The following MYOCD variants were observed in gnomAD, a reference collection of about 807,000 sequenced individuals.
MYOCD encodes the protein myocardin.
MYOCD carries 32 observed loss-of-function variants against 96.1 expected under a neutral mutation model. The ratio of observed to expected loss-of-function variants is 0.33; its 90% CI spans 0.25 to 0.45. MYOCD has a LOEUF of 0.45. Ranked by LOEUF, MYOCD falls within the 20% of genes least tolerant of loss-of-function variation. MYOCD has a pLI of 1.00. For synonymous variants in MYOCD, 469 were observed against 469.0 expected (o/e 1.00, Z 0.00); for missense variants, 1,133 against 1,200.6 (o/e 0.94, Z 0.83).
intron 1 of MYOCD, among the ~76,000 whole-genome samples, chr17:12,690,589 A>T (rs1353187997): frequency 2.0e-5 from 3 of 152,218 alleles, no homozygotes; most frequent in Non-Finnish European, 4.4e-5. Context: ...AAAATAGTAT[A>T]AAAAATGGTC....
intron 5 of MYOCD, among the ~76,000 whole-genome samples, chr17:12,735,380 C>G (rs1318308863): frequency 6.6e-6 from 1 of 151,984 alleles, no homozygotes; most frequent in African/African-American, 2.4e-5. Context: ...GGTGTGATAA[C>G]CCCTCTCCCA....
intron 9 of MYOCD, 131 bp from the exon 10 acceptor site, chr17:12,752,283 G>T: frequency 2.6e-6 from 2 of 756,970 alleles, no homozygotes; most frequent in Admixed American, 3.0e-5. Flanking sequence ...GAGGAAATCG[G>T]AAAGAAGTAT....
chr17:12,713,627 T>G (rs1173483058), intron 2 of MYOCD, among the ~76,000 whole-genome samples: 2 of 152,158 alleles, frequency 1.3e-5, no homozygotes, highest in Non-Finnish European at 2.9e-5. Context: ...AGGACAGAGG[T>G]ATTGATACAG....
At chr17:12,718,895 C>T (rs559153780) in intron 4 of MYOCD, among the ~76,000 whole-genome samples, 5 of 152,202 alleles carry the variant, frequency 3.3e-5, no homozygotes, top group Admixed American at 6.5e-5. Context: ...CCTTTCAGGC[C>T]GGGTGTGGTG....
At position 12,744,434 on chromosome 17, in the gene MYOCD, T is replaced by A; in HGVS notation, c.969T>A (p.Leu323=). Residue 323 remains leucine, a splice_region_variant and synonymous_variant, in exon 8 of 14, where the codon CTT becomes CTA. Transcript: ENST00000425538. Reference sequence around the variant, plus strand: ...ACCTAGGGATGCACCAAGCTCAGCTTAAGTAAGTCCGGCAAGGCTGGGAGG... The same window carrying A: ...ACCTAGGGATGCACCAAGCTCAGCTAAAGTAAGTCCGGCAAGGCTGGGAGG... The part of the protein sequence containing the change: ...FSYLGMHQAQ[L]KEPNEQMVRN... The A allele has an allele frequency of 6.2e-7, 1 of 1,607,666 alleles. No homozygotes were observed. The highest frequency in any genetic ancestry group is 8.5e-7 in the Non-Finnish European group (1 of 1,176,662).
At chr17:12,757,078 A>G (rs556079767) in intron 11 of MYOCD, among the ~76,000 whole-genome samples, 22 of 152,308 alleles carry the variant, frequency 1.4e-4, no homozygotes, top group African/African-American at 5.3e-4. Context: ...TGTGGGAAAC[A>G]ACATTGGAGG....
chr17:12,719,775 G>A (rs865864998), intron 4 of MYOCD, among the ~76,000 whole-genome samples: 80 of 149,920 alleles, frequency 5.3e-4, no homozygotes, highest in African/African-American at 1.9e-3. Context: ...GCTGAGGCAG[G>A]AGAATCGCTT....
chr17:12,688,106 T>G (rs2030224394), intron 1 of MYOCD, among the ~76,000 whole-genome samples: 1 of 152,218 alleles, frequency 6.6e-6, no homozygotes, highest in South Asian at 2.1e-4. Context: ...AGATACCTAG[T>G]GTTATTGGTT....
intron 1 of MYOCD, among the ~76,000 whole-genome samples, chr17:12,700,770 A>G (rs2031032824): frequency 6.6e-6 from 1 of 152,122 alleles, no homozygotes; most frequent in Admixed American, 6.6e-5. Flanking sequence ...AAAATAATTG[A>G]GAATTCTTAT....
At chr17:12,756,694 TCAA>T in intron 11 of MYOCD, 137 bp downstream of exon 11, 32 of 98,644 alleles carry the variant, frequency 3.2e-4, no homozygotes, top group South Asian at 7.5e-4. Context: ...AGACTGCATC[TCAA>T]AAAAAAAAAA....
At chr17:12,716,641 A>G (rs2031649516) in intron 3 of MYOCD, among the ~76,000 whole-genome samples, 1 of 152,142 alleles carries the variant, frequency 6.6e-6, no homozygotes, top group African/African-American at 2.4e-5. Flanking sequence ...AGATGGATTT[A>G]GGCAATGTTT....
At chr17:12,747,951 T>G (rs927742354) in intron 9 of MYOCD, among the ~76,000 whole-genome samples, 16 of 148,650 alleles carry the variant, frequency 1.1e-4, no homozygotes, top group African/African-American at 4.0e-4. Context: ...GATCATGAAG[T>G]CAAGAGATCA....
intron 1 of MYOCD, among the ~76,000 whole-genome samples, chr17:12,697,394 G>T (rs1270052660): frequency 1.8e-5 from 2 of 112,106 alleles, no homozygotes; most frequent in African/African-American, 3.6e-5. Context: ...ACGGGGTCTC[G>T]CTCTGTCGCC....
rs2033277678 is a variant in MYOCD, at chr17:12,764,426, CCTT to C, written c.*787_*789del. 1 of 152,314 alleles carries C rather than the reference CCTT, an allele frequency of 6.6e-6. No homozygotes were observed. Among genetic ancestry groups the C allele is most frequent in the Non-Finnish European group, 1.5e-5 (1 of 68,144 alleles). The allele number at this position is 152,314 out of a possible 1,614,324, so 9.4% of individuals were successfully genotyped here. A position where few individuals can be genotyped will look rare whatever the true frequency, so the allele number is the denominator to read the frequency against. Reference sequence around the variant, plus strand: ...AGATGAGAACCCTGAAGAATGCAGACCTTCTTCCCCCGAAGGAGATGCCACAAG... The same window carrying C: ...AGATGAGAACCCTGAAGAATGCAGACCTTCCCCCGAAGGAGATGCCACAAG... On this transcript the variant is annotated 3_prime_UTR_variant, in exon 14 of 14. Transcript: ENST00000425538.
chr17:12,673,205 A>G (rs911737314), intron 1 of MYOCD, among the ~76,000 whole-genome samples: 46 of 152,166 alleles, frequency 3.0e-4, no homozygotes, highest in African/African-American at 1.0e-3. Context: ...ACTTTCTGTT[A>G]TTTATTTGAG....
chr17:12,762,094 T>C (rs1186922690), intron 13 of MYOCD: 2 of 152,270 alleles, frequency 1.3e-5, no homozygotes, highest in East Asian at 1.9e-4. Context: ...ATGCCAGTTG[T>C]AGGTCTGACC....
chr17:12,747,831 A>G (rs1009091012), intron 9 of MYOCD, among the ~76,000 whole-genome samples: 5 of 151,824 alleles, frequency 3.3e-5, no homozygotes, highest in African/African-American at 4.8e-5. Flanking sequence ...TCATGGTTAT[A>G]TATCACAGTA....
intron 2 of MYOCD, 107 bp from the exon 3 acceptor site, chr17:12,715,412 A>G (rs2031609137): frequency 1.2e-6 from 1 of 825,502 alleles, no homozygotes; most frequent in Non-Finnish European, 1.9e-6. Context: ...AATAAAGGCA[A>G]TCACCTCCCT....
chr17:12,709,143 C>T (rs1257352450), intron 2 of MYOCD, among the ~76,000 whole-genome samples: 1 of 152,128 alleles, frequency 6.6e-6, no homozygotes, highest in African/African-American at 2.4e-5. Context: ...TTATGAGGCT[C>T]CTCCCCCATT....
Sources: allele counts gnomAD v4.1 joint callset (sites outside exome capture counted in the v4.1 genomes callset), GRCh38; gene constraint gnomAD v4.1.1; transcripts MANE v1.5; gene names NCBI Gene and HGNC (gene_info 2026-07-23, HGNC 2026-07-21).